PLCB4: variants seen among roughly 807,000 people sequenced by gnomAD.
PLCB4 encodes the protein 1-phosphatidylinositol 4,5-bisphosphate phosphodiesterase beta-4.
Under a neutral mutation model 178.8 loss-of-function variants are expected in PLCB4, and 77 were observed. The ratio of observed to expected loss-of-function variants is 0.43; its 90% CI spans 0.36 to 0.52. PLCB4 has a LOEUF of 0.52. Among genes scored for constraint, PLCB4 ranks in the 20% least tolerant of loss-of-function variants. PLCB4 has a pLI of 0.00. For missense variants in PLCB4, 1,024 were observed against 1,453.4 expected, an observed-to-expected ratio of 0.70 and a Z score of 4.80; for synonymous variants, 496 against 490.8, an observed-to-expected ratio of 1.01 and a Z score of -0.14.
At chr20:9,393,820 A>G (rs2148428039) in intron 18 of PLCB4, 142 bp downstream of exon 18, 1 of 489,994 alleles carries the variant, frequency 2.0e-6, no homozygotes, top group Non-Finnish European at 3.6e-6. Flanking sequence ...TTTCAGAGCA[A>G]GATTGCCACA....
chr20:9,270,875 T>C (rs1157522213), intron 3 of PLCB4, among the ~76,000 whole-genome samples: 5 of 152,086 alleles, frequency 3.3e-5, no homozygotes, highest in East Asian at 3.9e-4. Flanking sequence ...TTCCATACTA[T>C]CATGGAAAGA....
chr20:9,406,615 C>G (rs897329905), intron 21 of PLCB4, among the ~76,000 whole-genome samples: 1 of 152,014 alleles, frequency 6.6e-6, no homozygotes, highest in African/African-American at 2.4e-5. Context: ...CCTGCCTCAG[C>G]CTCCCAGTAG....
At position 9,389,996 on chromosome 20, in the gene PLCB4, A is replaced by G. The variant is rs1177971136; in HGVS notation, c.1238+38A>G. ...ATTCTGCCACAAGTCTCTATGTGGT[A>G]TTGTTTCCTAACCCCTAATGCCCAC... On this transcript the variant is annotated intron_variant, in intron 16 of 39. Coordinates refer to ENST00000378473, the MANE Select transcript of PLCB4 (RefSeq NM_001377142.1). 2.7e-6 allele frequency: 3 copies of G among 1,113,722 alleles called. No individual in the cohort carries two copies. The African/African-American group carries it at 4.6e-5, about 17-fold the overall frequency. The allele number at this position is 1,113,722 out of a possible 1,614,324, so 69.0% of individuals were successfully genotyped here. A position where few individuals can be genotyped will look rare whatever the true frequency, so the allele number is the denominator to read the frequency against.
intron 1 of PLCB4, among the ~76,000 whole-genome samples, chr20:9,076,086 C>T (rs1029465980): frequency 2.0e-5 from 3 of 152,064 alleles, no homozygotes; most frequent in African/African-American, 7.2e-5. Flanking sequence ...TCTCCCTATA[C>T]CCTATTTTTC....
intron 20 of PLCB4, among the ~76,000 whole-genome samples, chr20:9,405,019 A>G (rs891172190): frequency 6.6e-6 from 1 of 152,220 alleles, no homozygotes; most frequent in Non-Finnish European, 1.5e-5. Flanking sequence ...GTGACCATTC[A>G]TGCTGCTTTT....
intron 35 of PLCB4, among the ~76,000 whole-genome samples, chr20:9,465,707 C>G (rs1444622833): frequency 1.3e-5 from 2 of 152,046 alleles, no homozygotes; most frequent in Admixed American, 1.3e-4. Context: ...GAATAAAATA[C>G]CTAGGAATCC....
At chr20:9,440,046 G>A (rs1033591095) in intron 30 of PLCB4, among the ~76,000 whole-genome samples, 4 of 152,194 alleles carry the variant, frequency 2.6e-5, no homozygotes, top group Non-Finnish European at 5.9e-5. Context: ...GGGACAAGTG[G>A]GCTGTCTTCC....
At chr20:9,190,188 A>C (rs967826316) in intron 2 of PLCB4, among the ~76,000 whole-genome samples, 1 of 152,102 alleles carries the variant, frequency 6.6e-6, no homozygotes, top group African/African-American at 2.4e-5. Flanking sequence ...TTGGGAGGTG[A>C]GGATACCTAG....
intron 4 of PLCB4, among the ~76,000 whole-genome samples, chr20:9,317,626 C>T (rs899796557): frequency 9.2e-5 from 14 of 152,042 alleles, no homozygotes; most frequent in African/African-American, 3.1e-4. Context: ...GAGATGCATC[C>T]ATTAGGAAAC....
intron 3 of PLCB4, among the ~76,000 whole-genome samples, chr20:9,237,713 A>G (rs2094008620): frequency 1.3e-5 from 2 of 152,080 alleles, no homozygotes; most frequent in African/African-American, 2.4e-5. Flanking sequence ...AGTGGTGTTA[A>G]TAGATACTTT....
At chr20:9,185,006 T>C (rs1186149628) in intron 2 of PLCB4, among the ~76,000 whole-genome samples, 2 of 152,230 alleles carry the variant, frequency 1.3e-5, no homozygotes, top group Admixed American at 6.5e-5. Flanking sequence ...CACTGCAGCC[T>C]TGACCACCTG....
intron 32 of PLCB4, 56 bp downstream of exon 32, chr20:9,444,299 CA>C: frequency 8.7e-6 from 9 of 1,031,354 alleles, no homozygotes; most frequent in South Asian, 2.7e-5. Context: ...CATTTGTAGC[CA>C]AAAACACTAC....
chr20:9,464,203 C>T (rs2043604461), intron 35 of PLCB4, among the ~76,000 whole-genome samples: 2 of 152,228 alleles, frequency 1.3e-5, no homozygotes, highest in South Asian at 4.1e-4. Flanking sequence ...GGAATGAAGG[C>T]AGAAATAAAG....
At chr20:9,074,042 G>A (rs1035770150) in intron 1 of PLCB4, among the ~76,000 whole-genome samples, 2 of 152,132 alleles carry the variant, frequency 1.3e-5, no homozygotes, top group African/African-American at 4.8e-5. Context: ...TTCACTGTGG[G>A]TTTGCATTGA....
intron 2 of PLCB4, among the ~76,000 whole-genome samples, chr20:9,124,843 T>C (rs1600574303): frequency 1.3e-5 from 2 of 152,212 alleles, no homozygotes; most frequent in East Asian, 1.9e-4. Context: ...TGTTTTGCAG[T>C]GTTAGTTGAT....
At chr20:9,376,970 C>T (rs1468486260) in intron 12 of PLCB4, among the ~76,000 whole-genome samples, 1 of 152,148 alleles carries the variant, frequency 6.6e-6, no homozygotes, top group Non-Finnish European at 1.5e-5. Flanking sequence ...GACCCATGAT[C>T]TCTTTCCTTT....
rs141070021 is a variant in PLCB4 at position 9,359,544 on chromosome 20, G to A, written c.370-3352G>A. On this transcript the variant is annotated intron_variant, in intron 7 of 39. Transcript: ENST00000378473. Reference sequence around the variant, plus strand: ...AAGCTGCTAGGGAAACAGGGAAACCGTGCTGATCCGAACATCAGAGCCGAC... The same window carrying A: ...AAGCTGCTAGGGAAACAGGGAAACCATGCTGATCCGAACATCAGAGCCGAC... Among the ~76,000 whole-genome samples the A allele has an allele frequency of 3.7e-3, 570 of 152,280 alleles. 2 individuals carry two copies. The highest frequency in any genetic ancestry group is 4.4e-3 in the Non-Finnish European group (296 of 68,022).
At position 9,184,599 on chromosome 20, in the gene PLCB4, CAAA is replaced by C. The variant is rs56964078; in HGVS notation, c.-78-32771_-78-32769del. Among the ~76,000 whole-genome samples, 736 of 118,418 alleles carry C rather than the reference CAAA, an allele frequency of 6.2e-3. 6 individuals carry two copies. The highest frequency in any genetic ancestry group is 0.016 in the African/African-American group (571 of 35,176). 77.7% of individuals were successfully genotyped at this position (118,418 alleles called of 152,430 possible). A position where few individuals can be genotyped will look rare whatever the true frequency, so the allele number is the denominator to read the frequency against. On this transcript the variant is annotated intron_variant, in intron 2 of 39. Coordinates refer to ENST00000378473, the MANE Select transcript of PLCB4 (RefSeq NM_001377142.1). ...AGGGTGGTGACCCAGCATTGTGCCTCAAAAAAAAAAAAAAAAAAAAAACCTCTG... is the reference window on the plus strand; with the variant it reads ...AGGGTGGTGACCCAGCATTGTGCCTCAAAAAAAAAAAAAAAAAAACCTCTG...
intron 2 of PLCB4, among the ~76,000 whole-genome samples, chr20:9,158,782 CAG>C (rs1387352924): frequency 1.3e-5 from 2 of 152,126 alleles, no homozygotes; most frequent in African/African-American, 4.8e-5. Context: ...TTTATTGAGA[CAG>C]AGAGATTTTA....
Sources: allele counts gnomAD v4.1 joint callset (sites outside exome capture counted in the v4.1 genomes callset), GRCh38; gene constraint gnomAD v4.1.1; transcripts MANE v1.5; gene names NCBI Gene and HGNC (gene_info 2026-07-23, HGNC 2026-07-21).